TRDN: variants seen among roughly 807,000 people sequenced by gnomAD.
The protein encoded by TRDN is triadin in skeletal muscle.
Under a neutral mutation model 149.7 loss-of-function variants are expected in TRDN, and 161 were observed. The ratio of observed to expected loss-of-function variants is 1.08; its 90% CI spans 0.95 to 1.23. The LOEUF is 1.23. Ranked by LOEUF, TRDN falls within the 50% of genes most tolerant of loss-of-function variation. The pLI is 0.00. For missense variants in TRDN, 896 were observed against 823.5 expected (o/e 1.09, Z -1.08); for synonymous variants, 294 against 250.5 (o/e 1.17, Z -1.64).
At chr6:123,267,325 T>C (rs1777047934) in intron 32 of TRDN, among the ~76,000 whole-genome samples, 2 of 151,994 alleles carry the variant, frequency 1.3e-5, no homozygotes, top group Admixed American at 6.6e-5. Flanking sequence ...TAAGAGGATA[T>C]ATCAAGCTGA....
At chr6:123,636,477 G>C (rs187050962) in intron 1 of TRDN, among the ~76,000 whole-genome samples, 2 of 151,882 alleles carry the variant, frequency 1.3e-5, no homozygotes, top group Non-Finnish European at 2.9e-5. Context: ...GCTATTTATA[G>C]AGGTGTGAGT....
chr6:123,224,239 A>G, intron 38 of TRDN, 108 bp from the exon 39 acceptor site: 1 of 1,028,338 alleles, frequency 9.7e-7, no homozygotes, highest in Non-Finnish European at 1.5e-6. Context: ...CTGAATCTAC[A>G]AACTCAGCAT....
At chr6:123,404,433 T>G (rs544831900) in intron 12 of TRDN, among the ~76,000 whole-genome samples, 1 of 152,272 alleles carries the variant, frequency 6.6e-6, no homozygotes, top group South Asian at 2.1e-4. Flanking sequence ...TGTGGACTTT[T>G]TGTAATGTGT....
At chr6:123,341,294 T>C (rs1288367963) in intron 21 of TRDN, among the ~76,000 whole-genome samples, 2 of 151,914 alleles carry the variant, frequency 1.3e-5, no homozygotes, top group African/African-American at 4.8e-5. Context: ...CAGGACACTG[T>C]CTTTAACTTT....
At chr6:123,552,725 G>A (rs2114457823) in intron 2 of TRDN, among the ~76,000 whole-genome samples, 1 of 152,064 alleles carries the variant, frequency 6.6e-6, no homozygotes, top group Admixed American at 6.6e-5. Flanking sequence ...TGAGTGTTTT[G>A]GAGGACTCCA....
At chr6:123,235,687 CA>C (rs1775759797) in intron 38 of TRDN, among the ~76,000 whole-genome samples, 1 of 152,062 alleles carries the variant, frequency 6.6e-6, no homozygotes, top group African/African-American at 2.4e-5. Flanking sequence ...AAATCACCTC[CA>C]AAAAATACCT....
intron 31 of TRDN, 110 bp from the exon 32 acceptor site, chr6:123,267,861 G>T: frequency 1.4e-6 from 1 of 708,370 alleles, no homozygotes; most frequent in Non-Finnish European, 2.2e-6. Context: ...ATGCCCCAAA[G>T]TCATTTTCAT....
chr6:123,507,493 AAAATGAGTGACAACTAAAC>A (rs1226418621), intron 7 of TRDN, among the ~76,000 whole-genome samples: 1 of 152,190 alleles, frequency 6.6e-6, no homozygotes, highest in Non-Finnish European at 1.5e-5. Context: ...ATAGTAGAAA[AAAATGAGTGACAACTAAAC>A]AATGATGTGG....
At chr6:123,595,188 G>T (rs980055293) in intron 1 of TRDN, among the ~76,000 whole-genome samples, 4 of 152,094 alleles carry the variant, frequency 2.6e-5, no homozygotes, top group African/African-American at 9.7e-5. Context: ...ATGTAAAGCA[G>T]AACATTTTAA....
chr6:123,499,719 A>AAAAAAAAAAAAAAAAAATATATAT, intron 8 of TRDN, among the ~76,000 whole-genome samples: 3 of 47,684 alleles, frequency 6.3e-5, no homozygotes, highest in African/African-American at 7.1e-5. Flanking sequence ...AAAAAAAAAA[A>AAAAAAAAAAAAAAAAAATATATAT]ATATATATAT....
intron 24 of TRDN, among the ~76,000 whole-genome samples, chr6:123,310,490 C>A (rs1778779479): frequency 6.6e-6 from 1 of 151,878 alleles, no homozygotes. Context: ...GATAATGTAG[C>A]TTTTATGTGG....
chr6:123,318,548 C>A (rs758041328), intron 23 of TRDN, among the ~76,000 whole-genome samples: 2 of 151,890 alleles, frequency 1.3e-5, no homozygotes, highest in South Asian at 2.1e-4. Flanking sequence ...GTTCTGTTTC[C>A]GAAGTATGGC....
chr6:123,586,945 AC>A (rs1354686757), intron 1 of TRDN, among the ~76,000 whole-genome samples: 4 of 152,024 alleles, frequency 2.6e-5, no homozygotes, highest in African/African-American at 7.2e-5. Flanking sequence ...GGATTGGGGT[AC>A]AGCGATATAA....
At chr6:123,632,347 C>T (rs991065277) in intron 1 of TRDN, among the ~76,000 whole-genome samples, 6 of 151,954 alleles carry the variant, frequency 3.9e-5, no homozygotes. Flanking sequence ...AGAGTCAGTT[C>T]TAGCTATCAT....
chr6:123,289,837 G>T (rs1777937740), intron 24 of TRDN, among the ~76,000 whole-genome samples: 1 of 152,008 alleles, frequency 6.6e-6, no homozygotes, highest in South Asian at 2.1e-4. Flanking sequence ...TCAACTTGGG[G>T]GCCCCAGAGC....
intron 1 of TRDN, among the ~76,000 whole-genome samples, chr6:123,585,048 T>C (rs149727496): frequency 0.25 from 31,133 of 123,584 alleles, 4,076 homozygotes; most frequent in East Asian, 0.52. Context: ...TTGGCATTGA[T>C]TGGAGTAAGG....
At chr6:123,537,802 A>G (rs189905410) in intron 4 of TRDN, among the ~76,000 whole-genome samples, 3 of 152,292 alleles carry the variant, frequency 2.0e-5, no homozygotes, top group Admixed American at 1.3e-4. Context: ...CCTGTGAATG[A>G]GCTGATTTTG....
At chr6:123,615,103 A>G (rs887439508) in intron 1 of TRDN, among the ~76,000 whole-genome samples, 2 of 152,194 alleles carry the variant, frequency 1.3e-5, no homozygotes, top group Non-Finnish European at 2.9e-5. Flanking sequence ...CCATAATGAG[A>G]TATCTCACTC....
At chr6:123,571,405 C>G (rs533513800) in intron 1 of TRDN, among the ~76,000 whole-genome samples, 6 of 152,054 alleles carry the variant, frequency 3.9e-5, no homozygotes, top group Non-Finnish European at 5.9e-5. Flanking sequence ...TAAAATGGTT[C>G]AAATGGATAA....
Sources: allele counts gnomAD v4.1 joint callset (sites outside exome capture counted in the v4.1 genomes callset), GRCh38; gene constraint gnomAD v4.1.1; transcripts MANE v1.5; gene names NCBI Gene and HGNC (gene_info 2026-07-23, HGNC 2026-07-21).